Variants in OAT observed in about 807,000 individuals in gnomAD.
OAT encodes ornithine aminotransferase, mitochondrial.
OAT carries 35 observed loss-of-function variants against 48.4 expected under a neutral mutation model. The ratio of observed to expected loss-of-function variants is 0.72; its 90% CI spans 0.55 to 0.96. OAT has a LOEUF of 0.96. OAT is among the 40% of genes least tolerant of loss of function. The pLI is 0.00. For synonymous variants in OAT, 182 were observed against 198.4 expected (o/e 0.92, Z 0.70); for missense variants, 438 against 537.9 (o/e 0.81, Z 1.84).
In OAT at chr10:124,408,630, C is replaced by T. The variant is rs1951668460; in HGVS notation, c.432G>A (p.Glu144=). Residue 144 remains glutamate (E), a synonymous_variant, in exon 4 of 10, where the codon GAG becomes GAA. Coordinates refer to ENST00000368845, the MANE Select transcript of OAT (RefSeq NM_000274.4). The part of the protein sequence containing the change: ...HKVLPMNTGV[E]AGETACKLAR... Reference sequence around the variant, plus strand: ...CTAGTTTACAGGCAGTCTCTCCAGCCTCCACTCCTATCAGGAGAGAAAAAT... The same window carrying T: ...CTAGTTTACAGGCAGTCTCTCCAGCTTCCACTCCTATCAGGAGAGAAAAAT... 2 of 1,611,440 alleles carry T rather than the reference C, an allele frequency of 1.2e-6. No individual in the cohort carries two copies. Among genetic ancestry groups the T allele is most frequent in the Non-Finnish European group, 1.7e-6 (2 of 1,178,186 alleles).
At chr10:124,401,664 A>T in intron 8 of OAT, 62 bp downstream of exon 8, 1 of 1,166,374 alleles carries the variant, frequency 8.6e-7, no homozygotes, top group Non-Finnish European at 1.3e-6. Flanking sequence ...GTGGGCCCAA[A>T]TTAAAAATCA....
At chr10:124,408,409 C>T (rs1239581164) in intron 4 of OAT, 133 bp downstream of exon 4, 2 of 637,650 alleles carry the variant, frequency 3.1e-6, no homozygotes, top group Non-Finnish European at 5.6e-6. Flanking sequence ...TGGTCTTGAA[C>T]TCCAGGGCTC....
Position 124,400,621 on chromosome 10 carries a change from CA to C in OAT, c.1159+218del, listed in dbSNP as rs1589696794. The stretch of plus-strand genomic sequence containing the variant: ...TATAAAGATTAGCTGGGCGTGGTGA[CA>C]GGCGCCTGTAATCCCAGCTACTCAG... On this transcript the variant is annotated intron_variant, in intron 9 of 9. Transcript: ENST00000368845. 2.6e-5 allele frequency among the ~76,000 whole-genome samples: 4 copies of C among 152,170 alleles called. No homozygotes were observed. In the East Asian group the frequency reaches 7.7e-4, roughly 29 times the overall value.
At chr10:124,415,207 TA>T (rs1951884811) in intron 1 of OAT, 1 of 151,760 alleles carries the variant, frequency 6.6e-6, no homozygotes, top group Admixed American at 6.6e-5. Context: ...AAAATTCATT[TA>T]CCTGTTAAGT....
At chr10:124,398,501 G>A (rs1199461014) in intron 9 of OAT, among the ~76,000 whole-genome samples, 3 of 150,186 alleles carry the variant, frequency 2.0e-5, no homozygotes, top group Non-Finnish European at 4.4e-5. Flanking sequence ...GCAAGACACC[G>A]TCTCAAAAAA....
chr10:124,408,345 T>A lies in OAT; in HGVS notation c.520+197A>T, dbSNP rs12763181. Among the ~76,000 whole-genome samples, 7,304 of 73,882 alleles carry A rather than the reference T, an allele frequency of 0.099. 198 individuals carry two copies. Among genetic ancestry groups the A allele is most frequent in the Non-Finnish European group, 0.15 (5,564 of 36,306 alleles). The allele number at this position is 73,882 out of a possible 152,430, so 48.5% of individuals were successfully genotyped here. ...TATATATATATATATATATATATATTTTTTTTTTTTTTTTTTAAATAGAGA... is the reference window on the plus strand; with the variant it reads ...TATATATATATATATATATATATATATTTTTTTTTTTTTTTTAAATAGAGA... On this transcript the variant is annotated intron_variant, in intron 4 of 9. Transcript: ENST00000368845.
chr10:124,403,446 T>A, intron 6 of OAT: 1 of 413,628 alleles, frequency 2.4e-6, no homozygotes, highest in South Asian at 2.2e-5. Context: ...AATATACTAC[T>A]ATTAGCCCTG....
intron 9 of OAT, 94 bp from the exon 10 acceptor site, chr10:124,398,196 A>G: frequency 4.3e-6 from 6 of 1,387,860 alleles, no homozygotes; most frequent in Non-Finnish European, 4.0e-6. Context: ...GCAAAACAAA[A>G]TTAACAGAAC....
At chr10:124,413,571 G>A (rs755649042) in intron 1 of OAT, among the ~76,000 whole-genome samples, 5 of 152,088 alleles carry the variant, frequency 3.3e-5, no homozygotes, top group Admixed American at 6.5e-5. Context: ...TAATCCCAGC[G>A]ACTCAGGAGG....
At chr10:124,408,513 C>A (rs753316411) in intron 4 of OAT, 29 bp downstream of exon 4, 2 of 1,545,820 alleles carry the variant, frequency 1.3e-6, no homozygotes, top group East Asian at 4.5e-5. Flanking sequence ...ATGTTTCAAT[C>A]ATAGAAGTTA....
chr10:124,409,339 G>T (rs1164519366), intron 2 of OAT, among the ~76,000 whole-genome samples: 1 of 152,196 alleles, frequency 6.6e-6, no homozygotes, highest in East Asian at 1.9e-4. Flanking sequence ...CCAAGGCAGG[G>T]ATTGCTTGAG....
chr10:124,399,387 C>A (rs1951337121), intron 9 of OAT, among the ~76,000 whole-genome samples: 1 of 145,186 alleles, frequency 6.9e-6, no homozygotes, highest in Admixed American at 7.1e-5. Context: ...ACTCTGCCGC[C>A]CAGGCTGGAG....
chr10:124,403,599 T>A (rs1172716606), intron 6 of OAT, among the ~76,000 whole-genome samples, 199 bp downstream of exon 6: 1 of 152,196 alleles, frequency 6.6e-6, no homozygotes, highest in Non-Finnish European at 1.5e-5. Context: ...CAGGAAAAAG[T>A]CTGCTTCTGT....
At chr10:124,416,975 A>G (rs1267231502) in intron 1 of OAT, among the ~76,000 whole-genome samples, 6 of 152,142 alleles carry the variant, frequency 3.9e-5, no homozygotes, top group South Asian at 4.1e-4. Flanking sequence ...TAGTTTTACT[A>G]CTGAGAAAGG....
chr10:124,408,632 CCACTCCTAT>C lies in OAT; in HGVS notation c.425-4_429del, dbSNP rs386833609. 3.1e-6 allele frequency: 5 copies of C among 1,610,474 alleles called. No homozygotes were observed. Among genetic ancestry groups the C allele is most frequent in the Non-Finnish European group, 4.2e-6 (5 of 1,177,334 alleles). On this transcript the variant is annotated splice_acceptor_variant and splice_polypyrimidine_tract_variant and coding_sequence_variant and intron_variant, in exon 4 of 10. Transcript: ENST00000368845. LOFTEE classifies it high-confidence loss of function. ...AGTTTACAGGCAGTCTCTCCAGCCT[CCACTCCTAT>C]CAGGAGAGAAAAATGTTCAGATTTT...
rs376682059 is a variant in OAT, at chr10:124,409,008, T to C, written c.200-43A>G. 4.3e-5 allele frequency: 65 copies of C among 1,514,180 alleles called. No individual in the cohort carries two copies. In the African/African-American group the frequency reaches 7.9e-4, roughly 18 times the overall value. The allele number at this position is 1,514,180 out of a possible 1,614,324, so 93.8% of individuals were successfully genotyped here. On this transcript the variant is annotated intron_variant, in intron 2 of 9. Transcript: ENST00000368845. The stretch of plus-strand genomic sequence containing the variant: ...GGAAAATAATTTTAGACAATTACTA[T>C]ACGGCATAAAGTCCAAAAATTAAGA...
chr10:124,413,310 A>C (rs1402597486), intron 1 of OAT, among the ~76,000 whole-genome samples: 1 of 82,466 alleles, frequency 1.2e-5, no homozygotes, highest in East Asian at 4.5e-4. Context: ...ACACACACAC[A>C]TATATGAGAT....
In OAT at chr10:124,406,204, G is replaced by A; in HGVS notation, c.521-641C>T. ...GTCAGGCATTGTTTTAGATGTTGGG[G>A]AATAGACCAGGCACAGTGGCTCACT... On this transcript the variant is annotated intron_variant, in intron 4 of 9. Coordinates refer to ENST00000368845, the MANE Select transcript of OAT (RefSeq NM_000274.4). The A allele has an allele frequency of 4.8e-6, 4 of 828,250 alleles. No individual in the cohort carries two copies. In the South Asian group the frequency reaches 1.7e-4, roughly 34 times the overall value. The allele number at this position is 828,250 out of a possible 1,614,324, so 51.3% of individuals were successfully genotyped here.
chr10:124,398,128 T>G (rs1951288748), intron 9 of OAT, 26 bp from the exon 10 acceptor site: 1 of 1,613,422 alleles, frequency 6.2e-7, no homozygotes, highest in East Asian at 2.2e-5. Flanking sequence ...AAAACGTACA[T>G]GCTCAAAGAT....
Sources: allele counts gnomAD v4.1 joint callset (sites outside exome capture counted in the v4.1 genomes callset), GRCh38; gene constraint gnomAD v4.1.1; transcripts MANE v1.5; gene names NCBI Gene and HGNC (gene_info 2026-07-23, HGNC 2026-07-21).